VWC2: variants seen among roughly 807,000 people sequenced by gnomAD.
VWC2 encodes the protein brorin.
Under a neutral mutation model 29.8 loss-of-function variants are expected in VWC2, and 14 were observed. The ratio of observed to expected loss-of-function variants is 0.47; its 90% CI spans 0.31 to 0.74. The LOEUF (loss-of-function observed/expected upper bound fraction) is 0.74, where lower values mean the gene tolerates loss of function less well. Among genes scored for constraint, VWC2 ranks in the 30% least tolerant of loss-of-function variants. VWC2 has a pLI of 0.05. For missense variants in VWC2, 457 were observed against 459.8 expected, an observed-to-expected ratio of 0.99 and a Z score of 0.05; for synonymous variants, 213 against 199.0, an observed-to-expected ratio of 1.07 and a Z score of -0.59.
intron 3 of VWC2, among the ~76,000 whole-genome samples, chr7:49,864,407 T>G (rs960600664): frequency 2.0e-5 from 3 of 152,184 alleles, no homozygotes; most frequent in African/African-American, 7.2e-5. Context: ...TCTCAGTTTT[T>G]TTCTGATCAT....
Position 49,773,789 on chromosome 7 carries a change from C to T in VWC2, c.-428C>T, listed in dbSNP as rs1236950593. 4 of 152,314 alleles carry T rather than the reference C, an allele frequency of 2.6e-5. No individual in the cohort carries two copies. The highest frequency in any genetic ancestry group is 4.1e-4 in the South Asian group (2 of 4,836). 9.4% of individuals were successfully genotyped at this position (152,314 alleles called of 1,614,324 possible). On this transcript the variant is annotated 5_prime_UTR_variant, in exon 1 of 4. Transcript: ENST00000340652. ...CCCTCCGCGGAGAGGAGCGAGGCGG[C>T]GCCAGGGTGGCCCCCGGGGCGCGCT... is the stretch of plus-strand genomic sequence containing the variant.
intron 2 of VWC2, among the ~76,000 whole-genome samples, chr7:49,800,568 G>A (rs1450720771): frequency 6.6e-6 from 1 of 152,102 alleles, no homozygotes; most frequent in African/African-American, 2.4e-5. Context: ...CTGGGGCAGG[G>A]TGTTCTGGCT....
chr7:49,784,197 G>T, intron 2 of VWC2, among the ~76,000 whole-genome samples: 1 of 152,322 alleles, frequency 6.6e-6, no homozygotes. Context: ...AGCTTCTAGT[G>T]TAGTCATCAC....
At chr7:49,787,511 T>C (rs1788325829) in intron 2 of VWC2, among the ~76,000 whole-genome samples, 1 of 152,188 alleles carries the variant, frequency 6.6e-6, no homozygotes, top group Non-Finnish European at 1.5e-5. Context: ...ACAACTATGC[T>C]CTGGGGACAT....
At chr7:49,821,502 A>G (rs1160784784) in intron 3 of VWC2, among the ~76,000 whole-genome samples, 1 of 152,244 alleles carries the variant, frequency 6.6e-6, no homozygotes, top group Non-Finnish European at 1.5e-5. Context: ...TTGTGCAAAA[A>G]GTAAAACAAA....
At chr7:49,822,520 G>GC (rs1411857972) in intron 3 of VWC2, among the ~76,000 whole-genome samples, 3 of 152,086 alleles carry the variant, frequency 2.0e-5, no homozygotes, top group Admixed American at 1.3e-4. Context: ...TGCAACCTCT[G>GC]CCTCCAGGAT....
intron 3 of VWC2, among the ~76,000 whole-genome samples, chr7:49,849,150 C>G (rs532057636): frequency 6.6e-6 from 1 of 152,328 alleles, no homozygotes; most frequent in Non-Finnish European, 1.5e-5. Flanking sequence ...AGTTCATACC[C>G]TACAGTCCCA....
chr7:49,776,783 T>C (rs576254381), intron 2 of VWC2, among the ~76,000 whole-genome samples: 6 of 152,182 alleles, frequency 3.9e-5, no homozygotes, highest in Non-Finnish European at 8.8e-5. Context: ...ATCCCGCTGG[T>C]TTTCATGTAC....
At chr7:49,790,036 T>C (rs1426217991) in intron 2 of VWC2, among the ~76,000 whole-genome samples, 3 of 152,206 alleles carry the variant, frequency 2.0e-5, no homozygotes, top group African/African-American at 7.2e-5. Flanking sequence ...GCCCATCAGG[T>C]CTGAACCATC....
At chr7:49,881,038 C>T (rs1791639905) in intron 3 of VWC2, among the ~76,000 whole-genome samples, 1 of 152,126 alleles carries the variant, frequency 6.6e-6, no homozygotes, top group South Asian at 2.1e-4. Flanking sequence ...TTTCTTGGGT[C>T]CCTTGGTCCA....
chr7:49,811,103 T>C (rs568627775), intron 3 of VWC2, among the ~76,000 whole-genome samples: 8 of 152,120 alleles, frequency 5.3e-5, no homozygotes, highest in Middle Eastern at 3.2e-3. Context: ...AAAACATTTG[T>C]AAATCATGTG....
chr7:49,788,393 G>A (rs1165949151), intron 2 of VWC2, among the ~76,000 whole-genome samples: 2 of 152,116 alleles, frequency 1.3e-5, no homozygotes, highest in Admixed American at 1.3e-4. Context: ...CATTGTCACT[G>A]CCATCTCAAA....
At chr7:49,889,377 A>T (rs564455306) in intron 3 of VWC2, among the ~76,000 whole-genome samples, 8 of 152,376 alleles carry the variant, frequency 5.3e-5, no homozygotes, top group Middle Eastern at 3.4e-3. Flanking sequence ...TAATTTAAAC[A>T]TATCATGGCA....
chr7:49,889,427 C>T (rs1057006781), intron 3 of VWC2, among the ~76,000 whole-genome samples: 3 of 152,124 alleles, frequency 2.0e-5, no homozygotes, highest in African/African-American at 4.8e-5. Context: ...TGTTATGCCT[C>T]AAATGTGGGG....
chr7:49,802,887 G>GCA, intron 3 of VWC2, 47 bp downstream of exon 3: 1 of 1,612,724 alleles, frequency 6.2e-7, no homozygotes, highest in Non-Finnish European at 8.5e-7. Context: ...CCACCCTGAT[G>GCA]CACAACCCAT....
intron 3 of VWC2, among the ~76,000 whole-genome samples, chr7:49,902,767 G>A (rs1443313135): frequency 1.3e-5 from 2 of 152,004 alleles, no homozygotes; most frequent in Non-Finnish European, 2.9e-5. Flanking sequence ...TGATCGCATT[G>A]AAATATAAAA....
At chr7:49,875,504 C>G (rs1486445153) in intron 3 of VWC2, among the ~76,000 whole-genome samples, 1 of 149,534 alleles carries the variant, frequency 6.7e-6, no homozygotes, top group Non-Finnish European at 1.5e-5. Context: ...GCTGGGGAAG[C>G]TGGAGGAGAG....
chr7:49,907,078 TG>T (rs1793142578), intron 3 of VWC2, among the ~76,000 whole-genome samples: 1 of 152,020 alleles, frequency 6.6e-6, no homozygotes, highest in Non-Finnish European at 1.5e-5. Flanking sequence ...TGTGTATGGA[TG>T]TGGAGTGATA....
chr7:49,899,472 G>T (rs1792587505), intron 3 of VWC2, among the ~76,000 whole-genome samples: 1 of 151,988 alleles, frequency 6.6e-6, no homozygotes. Flanking sequence ...AAAGTAAATG[G>T]ATGGATAAAG....
Sources: gnomAD v4.1 joint callset for allele counts (sites outside exome capture counted in the v4.1 genomes callset) on GRCh38, gnomAD v4.1.1 for gene constraint, MANE v1.5 for transcripts, NCBI Gene and HGNC (gene_info 2026-07-23, HGNC 2026-07-21) for gene names.